KIAA1549L: variants seen among roughly 807,000 people sequenced by gnomAD.
KIAA1549L encodes KIAA1549 like.
KIAA1549L carries 88 observed loss-of-function variants against 160.7 expected under a neutral mutation model. The observed-to-expected ratio is 0.55, with a 90% CI of 0.46 to 0.65. KIAA1549L has a LOEUF of 0.65. Among genes scored for constraint, KIAA1549L ranks in the 30% least tolerant of loss-of-function variants. The probability of loss-of-function intolerance (pLI) is 0.00; values close to 1 mark genes in which losing one functional copy is unlikely to be tolerated. For synonymous variants in KIAA1549L, 950 were observed against 976.7 expected (o/e 0.97, Z 0.51); for missense variants, 2,258 against 2,437.5 (o/e 0.93, Z 1.55).
At chr11:33,566,451 C>G (rs1230808596) in intron 8 of KIAA1549L, among the ~76,000 whole-genome samples, 1 of 152,192 alleles carries the variant, frequency 6.6e-6, no homozygotes, top group East Asian at 1.9e-4. Flanking sequence ...TCCAGGGGTC[C>G]TCTGGGACCT....
chr11:33,608,209 G>A (rs561242552), intron 14 of KIAA1549L, among the ~76,000 whole-genome samples: 2 of 152,222 alleles, frequency 1.3e-5, no homozygotes, highest in African/African-American at 4.8e-5. Flanking sequence ...CAGTATCTCC[G>A]TTTATAAAAT....
Position 33,570,089 on chromosome 11 carries a change from C to T in KIAA1549L, c.4230+1862C>T, listed in dbSNP as rs1223693181. On this transcript the variant is annotated intron_variant, in intron 9 of 20. Coordinates refer to ENST00000658780, the MANE Select transcript of KIAA1549L (RefSeq NM_012194.3). ...CACAATATTGGCACACTGCAACCTC[C>T]GCCTCCCGGGTCCAAGCGATTCTCC... is the stretch of plus-strand genomic sequence containing the variant. Among the ~76,000 whole-genome samples the T allele has an allele frequency of 4.6e-5, 7 of 151,656 alleles. No individual in the cohort carries two copies. The East Asian group carries it at 5.8e-4, about 13-fold the overall frequency.
chr11:33,421,654 A>G (rs1208393894), intron 1 of KIAA1549L, among the ~76,000 whole-genome samples: 2 of 152,240 alleles, frequency 1.3e-5, no homozygotes, highest in Admixed American at 6.5e-5. Context: ...ATCCAAATAT[A>G]TACTGGTTTA....
chr11:33,435,201 T>C (rs1176418975), intron 1 of KIAA1549L, among the ~76,000 whole-genome samples: 1 of 152,138 alleles, frequency 6.6e-6, no homozygotes, highest in Non-Finnish European at 1.5e-5. Context: ...TTTCCAAGGG[T>C]GTTTCTGATT....
At chr11:33,460,372 A>G (rs1181485378) in intron 1 of KIAA1549L, among the ~76,000 whole-genome samples, 5 of 152,214 alleles carry the variant, frequency 3.3e-5, no homozygotes, top group Admixed American at 6.5e-5. Context: ...TCCCTATGCA[A>G]TAGTGCAGCC....
chr11:33,533,897 T>TA (rs2133155708), intron 1 of KIAA1549L, among the ~76,000 whole-genome samples: 1 of 152,346 alleles, frequency 6.6e-6, no homozygotes, highest in South Asian at 2.1e-4. Flanking sequence ...TCATTTAAGC[T>TA]ACTTTCCAGC....
At chr11:33,428,297 A>C (rs1851161519) in intron 1 of KIAA1549L, among the ~76,000 whole-genome samples, 2 of 152,018 alleles carry the variant, frequency 1.3e-5, no homozygotes, top group African/African-American at 4.8e-5. Flanking sequence ...CAACGTTTAT[A>C]ATTTCCTGTT....
chr11:33,492,889 G>A (rs537633689), intron 1 of KIAA1549L, among the ~76,000 whole-genome samples: 22 of 152,218 alleles, frequency 1.4e-4, no homozygotes, highest in Middle Eastern at 6.8e-3. Flanking sequence ...GTTAACATTA[G>A]TATTCGCAGT....
At chr11:33,592,491 C>T (rs1850086340) in intron 12 of KIAA1549L, among the ~76,000 whole-genome samples, 1 of 152,212 alleles carries the variant, frequency 6.6e-6, no homozygotes, top group South Asian at 2.1e-4. Flanking sequence ...TTGCCTGAGA[C>T]TACTATGGAG....
intron 1 of KIAA1549L, among the ~76,000 whole-genome samples, chr11:33,409,651 T>C (rs1850746943): frequency 6.6e-6 from 1 of 152,204 alleles, no homozygotes; most frequent in Non-Finnish European, 1.5e-5. Context: ...ACTCATTTAT[T>C]CTTTTTCTTT....
At chr11:33,633,444 T>G (rs1233924974) in intron 16 of KIAA1549L, among the ~76,000 whole-genome samples, 2 of 152,022 alleles carry the variant, frequency 1.3e-5, no homozygotes, top group African/African-American at 4.8e-5. Flanking sequence ...ACAGAGGGAT[T>G]TTGTGCATCC....
chr11:33,630,183 AG>A (rs1484390401), intron 16 of KIAA1549L, among the ~76,000 whole-genome samples: 2 of 151,824 alleles, frequency 1.3e-5, no homozygotes, highest in East Asian at 3.9e-4. Context: ...CTCTCTTCAA[AG>A]CTGTCAGACC....
intron 1 of KIAA1549L, among the ~76,000 whole-genome samples, chr11:33,454,827 C>T (rs961380444): frequency 9.9e-5 from 15 of 152,166 alleles, no homozygotes; most frequent in South Asian, 2.1e-4. Context: ...CGGTGGCTCA[C>T]GCCTGTAATC....
In KIAA1549L at chr11:33,583,408, G is replaced by C; in HGVS notation, c.4473G>C (p.Thr1491=). 3 of 1,602,338 alleles carry C rather than the reference G, an allele frequency of 1.9e-6. No individual in the cohort carries two copies. The highest frequency in any genetic ancestry group is 1.7e-6 in the Non-Finnish European group (2 of 1,174,568). Residue 1491 remains threonine, a synonymous_variant, in exon 11 of 21, where the codon ACG becomes ACC. Transcript: ENST00000658780. ...TGCTGGCGCCCATTGCCGTGGTCAC[G>C]GTCATCATCATCATCATCACTGCCG... ...AAVLAPIAVV[T]VIIIIITAVL...
rs770312233 is a variant in KIAA1549L at position 33,667,946 on chromosome 11, G to A, written c.6233G>A (p.Arg2078His). ...CAGAGCTCTCCCTCCAGGCTTCCTC[G>A]TCAGTACAGCCAGCCAGCCAACCTG... ...YPQSSPSRLP[R>H]QYSQPANLHP... The change falls in exon 21 of 21, where the codon CGT becomes CAT. Residue 2078 changes from arginine to histidine, a missense_variant. Transcript: ENST00000658780. 1.2e-5 allele frequency: 20 copies of A among 1,613,798 alleles called. No homozygotes were observed. The highest frequency in any genetic ancestry group is 2.2e-5 in the East Asian group (1 of 44,874).
At chr11:33,618,217 G>A (rs1850870637) in intron 15 of KIAA1549L, among the ~76,000 whole-genome samples, 1 of 152,142 alleles carries the variant, frequency 6.6e-6, no homozygotes, top group Admixed American at 6.5e-5. Context: ...TGTCCTAGAG[G>A]GTCAAGGGAG....
chr11:33,483,479 A>T (rs1042423245), intron 1 of KIAA1549L, among the ~76,000 whole-genome samples: 4 of 152,182 alleles, frequency 2.6e-5, no homozygotes, highest in African/African-American at 9.7e-5. Context: ...AAGAGACATC[A>T]TGAAGGTGAA....
chr11:33,458,739 C>G (rs374421916), intron 1 of KIAA1549L, among the ~76,000 whole-genome samples: 2 of 152,154 alleles, frequency 1.3e-5, no homozygotes, highest in East Asian at 3.8e-4. Flanking sequence ...TGGCCCCTAC[C>G]CAGGTGTGTT....
intron 16 of KIAA1549L, among the ~76,000 whole-genome samples, chr11:33,631,849 A>G (rs1364920252): frequency 2.0e-5 from 3 of 152,142 alleles, no homozygotes; most frequent in African/African-American, 4.8e-5. Context: ...CCTTGAAACC[A>G]CAGCACTCGG....
Sources: gnomAD v4.1 joint callset for allele counts (sites outside exome capture counted in the v4.1 genomes callset) on GRCh38, gnomAD v4.1.1 for gene constraint, MANE v1.5 for transcripts, NCBI Gene and HGNC (gene_info 2026-07-23, HGNC 2026-07-21) for gene names.